The following PAK1 variants were observed in gnomAD, a reference collection of about 807,000 sequenced individuals.
PAK1 encodes serine/threonine-protein kinase PAK 1.
A neutral mutation model predicts 67.4 loss-of-function variants in PAK1; 29 were observed. That is an observed-to-expected ratio of 0.43 (90% CI 0.32 to 0.59). The LOEUF (loss-of-function observed/expected upper bound fraction) is 0.59, where lower values mean the gene tolerates loss of function less well. Ranked by LOEUF, PAK1 falls within the 20% of genes least tolerant of loss-of-function variation. The pLI is 0.07. For synonymous variants in PAK1, 223 were observed against 237.4 expected (o/e 0.94, Z 0.56); for missense variants, 337 against 670.7 (o/e 0.50, Z 5.50).
At chr11:77,390,577 G>A (rs969989978) in intron 2 of PAK1, among the ~76,000 whole-genome samples, 8 of 150,476 alleles carry the variant, frequency 5.3e-5, no homozygotes, top group African/African-American at 7.3e-5. Flanking sequence ...GCTCACTGCA[G>A]ATTCAAATTC....
rs1212302963 is a variant in PAK1, at chr11:77,468,106, T to A, written c.-22+5446A>T. Among the ~76,000 whole-genome samples the A allele has an allele frequency of 6.6e-5, 10 of 152,328 alleles. No homozygotes were observed. In the East Asian group the frequency reaches 1.9e-3, roughly 29 times the overall value. On this transcript the variant is annotated intron_variant, in intron 1 of 14. Coordinates refer to ENST00000356341, the MANE Select transcript of PAK1 (RefSeq NM_002576.5). ...AGAAAATGCTCTTGCCAGCCTCAGT[T>A]AGTACTTAACAGTCTGAAAGGGAAA...
chr11:77,431,710 G>A (rs923063587), intron 1 of PAK1, among the ~76,000 whole-genome samples: 1 of 152,100 alleles, frequency 6.6e-6, no homozygotes, highest in Non-Finnish European at 1.5e-5. Context: ...CTCTTCATAA[G>A]GACCTAAGTG....
the PAK1 span, among the ~76,000 whole-genome samples, chr11:77,507,938 G>A: frequency 6.6e-6 from 1 of 152,066 alleles, no homozygotes; most frequent in Non-Finnish European, 1.5e-5. Context: ...ATGCATTTGT[G>A]TAACCACCAT....
chr11:77,357,622 T>G (rs1014078027), intron 6 of PAK1, among the ~76,000 whole-genome samples: 6 of 152,174 alleles, frequency 3.9e-5, no homozygotes, highest in Admixed American at 3.9e-4. Context: ...GAGTTGGGGT[T>G]AATTACCTGC....
chr11:77,322,236 C>T lies in PAK1; in HGVS notation c.*1038G>A. The stretch of plus-strand genomic sequence containing the variant: ...GCATTTCCATTTGCAGAGAGCTTGG[C>T]CATGCATCTTAAAAACGGGGTCCCC... On this transcript the variant is annotated 3_prime_UTR_variant, in exon 15 of 15. Transcript: ENST00000356341. The T allele has an allele frequency of 5.1e-6, 1 of 197,516 alleles. No homozygotes were observed. Among genetic ancestry groups the T allele is most frequent in the Non-Finnish European group, 1.1e-5 (1 of 94,880 alleles). The allele number at this position is 197,516 out of a possible 1,614,324, so 12.2% of individuals were successfully genotyped here.
intron 10 of PAK1, among the ~76,000 whole-genome samples, chr11:77,342,307 G>A (rs1943727963): frequency 6.6e-6 from 1 of 151,970 alleles, no homozygotes; most frequent in Non-Finnish European, 1.5e-5. Context: ...CAGAGTAAAA[G>A]TCTCTGGGAA....
intron 1 of PAK1, among the ~76,000 whole-genome samples, chr11:77,465,356 T>C (rs1400372273): frequency 6.6e-6 from 1 of 152,032 alleles, no homozygotes; most frequent in African/African-American, 2.4e-5. Flanking sequence ...AAAAATATGA[T>C]GGCTAAAGAA....
chr11:77,515,190 A>G, the PAK1 span, among the ~76,000 whole-genome samples: 1 of 152,198 alleles, frequency 6.6e-6, no homozygotes, highest in East Asian at 1.9e-4. Context: ...TAATTACACC[A>G]TGTGTGCCTG....
At chr11:77,462,818 C>T (rs1226958335) in intron 1 of PAK1, among the ~76,000 whole-genome samples, 4 of 144,552 alleles carry the variant, frequency 2.8e-5, no homozygotes, top group South Asian at 4.3e-4. Flanking sequence ...GGCAACAGAG[C>T]GACCCTCCAT....
chr11:77,416,954 A>T (rs78286712), intron 1 of PAK1, among the ~76,000 whole-genome samples: 2 of 138,608 alleles, frequency 1.4e-5, no homozygotes. Context: ...CTCTGTCTCA[A>T]AAAAAAAAAA....
the PAK1 span, among the ~76,000 whole-genome samples, chr11:77,522,658 T>G: frequency 6.6e-6 from 1 of 152,202 alleles, no homozygotes. Flanking sequence ...GGAAAACAAT[T>G]TGGAGATTTC....
At chr11:77,345,153 T>C (rs1944215678) in intron 9 of PAK1, among the ~76,000 whole-genome samples, 2 of 152,164 alleles carry the variant, frequency 1.3e-5, no homozygotes, top group South Asian at 2.1e-4. Context: ...CTTGCTATCA[T>C]GTATAATGAT....
the PAK1 span, among the ~76,000 whole-genome samples, chr11:77,510,167 A>C: frequency 2.0e-5 from 3 of 152,166 alleles, no homozygotes; most frequent in African/African-American, 7.2e-5. Flanking sequence ...CACCAGTAGC[A>C]TTTTTGTCCT....
At chr11:77,337,447 G>A (rs1460560298) in intron 11 of PAK1, 24 bp from the exon 12 acceptor site, 6 of 1,321,512 alleles carry the variant, frequency 4.5e-6, no homozygotes, top group Non-Finnish European at 6.5e-6. Flanking sequence ...GTGGGCAGGG[G>A]GAGAAAGAAA....
chr11:77,422,881 C>G (rs1432196425), intron 1 of PAK1, among the ~76,000 whole-genome samples: 3 of 151,984 alleles, frequency 2.0e-5, no homozygotes, highest in Non-Finnish European at 4.4e-5. Flanking sequence ...ACCTTGAGGT[C>G]ATAAGTACAA....
chr11:77,431,499 A>G (rs934048121), intron 1 of PAK1, among the ~76,000 whole-genome samples: 1 of 152,268 alleles, frequency 6.6e-6, no homozygotes. Context: ...CTCTCGTAGG[A>G]CTTATGTGAT....
In PAK1 at chr11:77,417,771, G is replaced by A. The variant is rs1314157927; in HGVS notation, c.-21-25230C>T. On this transcript the variant is annotated intron_variant, in intron 1 of 14. Coordinates refer to ENST00000356341, the MANE Select transcript of PAK1 (RefSeq NM_002576.5). Reference sequence around the variant, plus strand: ...TTTTTTGAGACAGAGTTTCACTCCTGTTGCCCAGGCTGGAGTGCAATGGTG... The same window carrying A: ...TTTTTTGAGACAGAGTTTCACTCCTATTGCCCAGGCTGGAGTGCAATGGTG... Among the ~76,000 whole-genome samples, 2 of 147,638 alleles carry A rather than the reference G, an allele frequency of 1.4e-5. 1 individual carries two copies. The highest frequency in any genetic ancestry group is 5.0e-5 in the African/African-American group (2 of 39,812).
intron 11 of PAK1, among the ~76,000 whole-genome samples, chr11:77,339,884 C>A (rs1039345959): frequency 6.6e-6 from 1 of 151,660 alleles, no homozygotes; most frequent in Admixed American, 6.6e-5. Context: ...ATTGGGCCAT[C>A]AGAAAGTCCA....
At chr11:77,420,970 C>A (rs2138184226) in intron 1 of PAK1, among the ~76,000 whole-genome samples, 1 of 152,330 alleles carries the variant, frequency 6.6e-6, no homozygotes, top group South Asian at 2.1e-4. Flanking sequence ...ATTACAACAT[C>A]CTTTTTAACT....
Sources: allele counts gnomAD v4.1 joint callset (sites outside exome capture counted in the v4.1 genomes callset), GRCh38; gene constraint gnomAD v4.1.1; transcripts MANE v1.5; gene names NCBI Gene and HGNC (gene_info 2026-07-23, HGNC 2026-07-21).